The following WWOX variants were observed in gnomAD, a reference collection of about 807,000 sequenced individuals.
WWOX encodes WW domain-containing oxidoreductase.
In WWOX, 69 loss-of-function variants were observed where a neutral mutation model predicts 46.2. The ratio of observed to expected loss-of-function variants is 1.49; its 90% CI spans 1.23 to 1.82. The LOEUF is 1.82. Ranked by LOEUF, WWOX falls within the 40% of genes most tolerant of loss-of-function variation. The probability of loss-of-function intolerance (pLI) is 0.00; values close to 1 mark genes in which losing one functional copy is unlikely to be tolerated. For synonymous variants in WWOX, 359 were observed against 202.6 expected, an observed-to-expected ratio of 1.77 and a Z score of -6.56; for missense variants, 919 against 542.6, an observed-to-expected ratio of 1.69 and a Z score of -6.89.
At chr16:78,967,439 A>T (rs4243164) in intron 8 of WWOX, among the ~76,000 whole-genome samples, 1 of 141,306 alleles carries the variant, frequency 7.1e-6, no homozygotes, top group African/African-American at 2.7e-5. Flanking sequence ...ATGCACCAAC[A>T]TGCCTGGTTA....
At chr16:78,771,499 C>T (rs754298384) in intron 8 of WWOX, among the ~76,000 whole-genome samples, 4 of 152,210 alleles carry the variant, frequency 2.6e-5, no homozygotes, top group African/African-American at 4.8e-5. Flanking sequence ...GCGCTGGGTG[C>T]GGTGGCTCAC....
chr16:78,923,692 C>T (rs529471748), intron 8 of WWOX, among the ~76,000 whole-genome samples: 160 of 150,992 alleles, frequency 1.1e-3, no homozygotes, highest in African/African-American at 3.7e-3. Flanking sequence ...GAACTTTATT[C>T]TTCAAGAAAA....
chr16:78,200,489 C>G (rs766053457), intron 5 of WWOX, among the ~76,000 whole-genome samples: 1 of 150,288 alleles, frequency 6.7e-6, no homozygotes, highest in South Asian at 2.2e-4. Context: ...AGGGCTCACA[C>G]TGGTCTTGTC....
At chr16:78,212,002 C>T (rs545346443) in intron 5 of WWOX, among the ~76,000 whole-genome samples, 1 of 152,262 alleles carries the variant, frequency 6.6e-6, no homozygotes, top group South Asian at 2.1e-4. Flanking sequence ...ATCATGGGAG[C>T]TCTATTTATT....
chr16:78,732,291 A>C (rs896917743), intron 8 of WWOX, among the ~76,000 whole-genome samples: 1 of 152,124 alleles, frequency 6.6e-6, no homozygotes, highest in Non-Finnish European at 1.5e-5. Context: ...TCTCTCACTC[A>C]TGGGATGCTT....
chr16:78,400,858 C>G (rs1187456703), intron 6 of WWOX, among the ~76,000 whole-genome samples: 3 of 152,242 alleles, frequency 2.0e-5, no homozygotes, highest in African/African-American at 7.2e-5. Context: ...AGGGCTGGCT[C>G]TGTCACCCAG....
chr16:78,679,313 G>T (rs955765380), intron 8 of WWOX, among the ~76,000 whole-genome samples: 38 of 152,214 alleles, frequency 2.5e-4, no homozygotes, highest in Non-Finnish European at 2.9e-5. Flanking sequence ...CACTTTGGGA[G>T]GCCAAGGCGG....
At chr16:78,553,074 A>G (rs1416576623) in intron 8 of WWOX, 1 of 152,252 alleles carries the variant, frequency 6.6e-6, no homozygotes, top group Non-Finnish European at 1.5e-5. Flanking sequence ...GGAGCTGAAC[A>G]ATGAGAACAC....
At chr16:78,958,704 G>T (rs1336422201) in intron 8 of WWOX, among the ~76,000 whole-genome samples, 1 of 152,114 alleles carries the variant, frequency 6.6e-6, no homozygotes, top group East Asian at 1.9e-4. Flanking sequence ...TAAATTACAT[G>T]GTATGTGCAG....
intron 5 of WWOX, among the ~76,000 whole-genome samples, chr16:78,246,358 CT>C (rs1196496342): frequency 2.0e-5 from 3 of 152,132 alleles, no homozygotes; most frequent in South Asian, 2.1e-4. Flanking sequence ...GACCTCCTAC[CT>C]TTTTTTTCCC....
intron 8 of WWOX, among the ~76,000 whole-genome samples, chr16:78,742,103 C>A (rs189294053): frequency 6.6e-6 from 1 of 152,172 alleles, no homozygotes; most frequent in Admixed American, 6.5e-5. Flanking sequence ...CCCTATTTAC[C>A]TTTATCTTTT....
chr16:78,289,815 G>A (rs187233121), intron 5 of WWOX, among the ~76,000 whole-genome samples: 1 of 152,260 alleles, frequency 6.6e-6, no homozygotes, highest in Non-Finnish European at 1.5e-5. Context: ...GGGCTGTAGA[G>A]AGAAACGCCG....
chr16:78,810,461 A>T (rs935953715), intron 8 of WWOX, among the ~76,000 whole-genome samples: 2 of 152,192 alleles, frequency 1.3e-5, no homozygotes, highest in African/African-American at 2.4e-5. Context: ...CTCAGAAAAC[A>T]TCCCTAGGAA....
rs2051834793 is a variant in WWOX, at chr16:78,831,831, G to C, written c.1057-379777G>C. On this transcript the variant is annotated intron_variant, in intron 8 of 8. Coordinates refer to ENST00000566780, the MANE Select transcript of WWOX (RefSeq NM_016373.4). Reference sequence around the variant, plus strand: ...TAGCACTGCATGTCAAGCCAAGCTAGAGTACAGTCTCTTAGGAGACACAGG... The same window carrying C: ...TAGCACTGCATGTCAAGCCAAGCTACAGTACAGTCTCTTAGGAGACACAGG... 7.2e-5 allele frequency among the ~76,000 whole-genome samples: 11 copies of C among 152,316 alleles called. No individual in the cohort carries two copies. In the South Asian group the frequency reaches 1.7e-3, roughly 23 times the overall value.
chr16:78,727,633 C>G (rs967125137), intron 8 of WWOX, among the ~76,000 whole-genome samples: 66 of 152,260 alleles, frequency 4.3e-4, no homozygotes, highest in African/African-American at 1.5e-3. Flanking sequence ...TTTGAACTCT[C>G]TCATACCTTT....
chr16:78,406,297 AATATAAATATATATATATATATAT>A (rs1444363820), intron 6 of WWOX, among the ~76,000 whole-genome samples: 19 of 74,080 alleles, frequency 2.6e-4, no homozygotes, highest in African/African-American at 4.8e-4. Context: ...ACAGCATATA[AATATAAATATATATATATATATAT>A]ATATATATAT....
chr16:78,963,882 C>T (rs111818777), intron 8 of WWOX, among the ~76,000 whole-genome samples: 5,857 of 152,190 alleles, frequency 0.038, 381 homozygotes, highest in African/African-American at 0.13. Flanking sequence ...GTAATTGAAT[C>T]ATGGGGGCTG....
chr16:79,143,129 T>A (rs2050121477), intron 8 of WWOX, among the ~76,000 whole-genome samples: 1 of 152,222 alleles, frequency 6.6e-6, no homozygotes, highest in Admixed American at 6.5e-5. Flanking sequence ...GGACTGTTTG[T>A]CATGGGGTCT....
chr16:78,906,977 C>T (rs1411171875), intron 8 of WWOX, among the ~76,000 whole-genome samples: 2 of 152,164 alleles, frequency 1.3e-5, no homozygotes, highest in African/African-American at 2.4e-5. Context: ...CCAATGGGTT[C>T]ATTCTGCCTG....
Sources: allele counts gnomAD v4.1 joint callset (sites outside exome capture counted in the v4.1 genomes callset), GRCh38; gene constraint gnomAD v4.1.1; transcripts MANE v1.5; gene names NCBI Gene and HGNC (gene_info 2026-07-23, HGNC 2026-07-21).